SLC10A7: variants seen among roughly 807,000 people sequenced by gnomAD.
The protein encoded by SLC10A7 is sodium/bile acid cotransporter 7.
SLC10A7 carries 29 observed loss-of-function variants against 43.2 expected under a neutral mutation model. That is an observed-to-expected ratio of 0.67 (90% CI 0.50 to 0.92). The LOEUF is 0.92. SLC10A7 is among the 40% of genes least tolerant of loss of function. SLC10A7 has a pLI of 0.00. For missense variants in SLC10A7, 295 were observed against 403.2 expected, an observed-to-expected ratio of 0.73 and a Z score of 2.30; for synonymous variants, 152 against 144.8, an observed-to-expected ratio of 1.05 and a Z score of -0.35.
At chr4:146,392,175 A>T (rs1738479971) in intron 5 of SLC10A7, among the ~76,000 whole-genome samples, 2 of 152,212 alleles carry the variant, frequency 1.3e-5, no homozygotes, top group Non-Finnish European at 2.9e-5. Context: ...ACTCTGTTGT[A>T]TCTCTATAAT....
At chr4:146,374,645 CACACACACACACACACAT>C (rs982152475) in intron 5 of SLC10A7, among the ~76,000 whole-genome samples, 4 of 144,564 alleles carry the variant, frequency 2.8e-5, no homozygotes, top group African/African-American at 5.2e-5. Flanking sequence ...CACACACACA[CACACACACACACACACAT>C]ATATATATAT....
intron 4 of SLC10A7, among the ~76,000 whole-genome samples, chr4:146,461,069 CTTTTCACGTCA>C (rs921192695): frequency 8.6e-5 from 13 of 152,036 alleles, no homozygotes; most frequent in Non-Finnish European, 1.3e-4. Context: ...GTAAAAATGT[CTTTTCACGTCA>C]TTATTTTCAA....
intron 5 of SLC10A7, chr4:146,442,201 G>T: frequency 2.1e-6 from 2 of 963,470 alleles, no homozygotes; most frequent in African/African-American, 1.8e-5. Flanking sequence ...TCCTTATATT[G>T]GTTCTACTTA....
intron 4 of SLC10A7, among the ~76,000 whole-genome samples, chr4:146,463,060 C>G (rs568244761): frequency 6.6e-6 from 1 of 152,296 alleles, no homozygotes; most frequent in East Asian, 1.9e-4. Context: ...ACACACTCAG[C>G]AACTACACCA....
At chr4:146,429,918 T>C (rs558292983) in intron 5 of SLC10A7, among the ~76,000 whole-genome samples, 88 of 152,070 alleles carry the variant, frequency 5.8e-4, no homozygotes, top group African/African-American at 2.0e-3. Context: ...GTGACATACA[T>C]AAAAATTTTA....
intron 4 of SLC10A7, 27 bp downstream of exon 4, chr4:146,503,822 T>A: frequency 1.9e-6 from 3 of 1,604,802 alleles, no homozygotes; most frequent in Non-Finnish European, 2.6e-6. Flanking sequence ...TGCACTTATG[T>A]TTAAATAAGG....
At chr4:146,306,478 G>A (rs1005747941) in intron 6 of SLC10A7, among the ~76,000 whole-genome samples, 26 of 152,054 alleles carry the variant, frequency 1.7e-4, no homozygotes, top group African/African-American at 5.1e-4. Context: ...CTCAGATCCC[G>A]TAGAATTTTT....
intron 6 of SLC10A7, among the ~76,000 whole-genome samples, chr4:146,318,645 A>G (rs1377542624): frequency 6.6e-6 from 1 of 152,026 alleles, no homozygotes; most frequent in Non-Finnish European, 1.5e-5. Context: ...TCTAGTTAAG[A>G]TCTTTTTCCT....
At chr4:146,360,193 A>G (rs1001308496) in intron 5 of SLC10A7, among the ~76,000 whole-genome samples, 1 of 151,754 alleles carries the variant, frequency 6.6e-6, no homozygotes, top group Non-Finnish European at 1.5e-5. Flanking sequence ...TCTCACTGCC[A>G]TTACCTTACT....
chr4:146,510,126 C>T, intron 2 of SLC10A7, 77 bp from the exon 3 acceptor site: 1 of 1,379,220 alleles, frequency 7.3e-7, no homozygotes, highest in South Asian at 1.5e-5. Flanking sequence ...AAAATAACAT[C>T]ACATGAGTTA....
chr4:146,340,003 G>A (rs1344538407), intron 5 of SLC10A7, among the ~76,000 whole-genome samples: 5 of 150,952 alleles, frequency 3.3e-5, no homozygotes, highest in Non-Finnish European at 7.4e-5. Flanking sequence ...AGGTCCCGGT[G>A]TGTGATAACA....
At chr4:146,305,846 T>C (rs2149681709) in intron 7 of SLC10A7, 80 bp downstream of exon 7, 1 of 1,239,640 alleles carries the variant, frequency 8.1e-7, no homozygotes, top group East Asian at 2.5e-5. Context: ...GAATATCCTT[T>C]CTCTCAACTG....
chr4:146,284,421 C>T (rs537766332), intron 9 of SLC10A7, among the ~76,000 whole-genome samples: 1 of 152,094 alleles, frequency 6.6e-6, no homozygotes, highest in South Asian at 2.1e-4. Context: ...TTGTTGTATA[C>T]CCACAGGAGG....
rs183973449 is a variant in SLC10A7 at position 146,403,367 on chromosome 4, T to A, written c.435+39416A>T. On this transcript the variant is annotated intron_variant, in intron 5 of 11. Transcript: ENST00000335472. ...TCCATAACCACCTATAGCACAGTCA[T>A]GGAGTTTCCATTTTTCCCCCAGGAA... Among the ~76,000 whole-genome samples, 237 of 152,300 alleles carry A rather than the reference T, an allele frequency of 1.6e-3. 1 individual carries two copies. The highest frequency in any genetic ancestry group is 5.3e-3 in the African/African-American group (222 of 41,574).
At chr4:146,426,137 C>T (rs1358090512) in intron 5 of SLC10A7, among the ~76,000 whole-genome samples, 1 of 152,126 alleles carries the variant, frequency 6.6e-6, no homozygotes, top group African/African-American at 2.4e-5. Flanking sequence ...TAAACAGAAC[C>T]ATCACAAACT....
rs570936178 is a variant in SLC10A7 at position 146,254,776 on chromosome 4, A to G, written c.*1715T>C. 5 of 152,336 alleles carry G rather than the reference A, an allele frequency of 3.3e-5. 1 individual carries two copies. The South Asian group carries it at 1.0e-3, about 32-fold the overall frequency. 9.4% of individuals were successfully genotyped at this position (152,336 alleles called of 1,614,324 possible). On this transcript the variant is annotated 3_prime_UTR_variant, in exon 12 of 12. Coordinates refer to ENST00000335472, the MANE Select transcript of SLC10A7 (RefSeq NM_001029998.6). ...AAGAAACTTGTAGGAACAAAACCTA[A>G]GAGCCTTCCTGTGCTCCATAGGTAA...
rs779733820 is a variant in SLC10A7, at chr4:146,258,715, A to T, written c.970T>A (p.Ser324Thr). The T allele has an allele frequency of 1.9e-6, 3 of 1,602,632 alleles. No individual in the cohort carries two copies. The highest frequency in any genetic ancestry group is 4.5e-5 in the East Asian group (2 of 44,496). Residue 324 changes from serine to threonine, a missense_variant, in exon 11 of 12, where the codon TCT (serine) becomes ACT (threonine). Coordinates refer to ENST00000335472, the MANE Select transcript of SLC10A7 (RefSeq NM_001029998.6). ...LGSVLVPTIK[S>T]WMVSRQKGVK... ...ACCTTCTGCCTTGATACCATCCAAGACTTGATTGTTGGCACCAACACACTT... is the reference window on the plus strand; with the variant it reads ...ACCTTCTGCCTTGATACCATCCAAGTCTTGATTGTTGGCACCAACACACTT...
intron 5 of SLC10A7, among the ~76,000 whole-genome samples, chr4:146,352,839 G>A (rs964937781): frequency 2.1e-5 from 3 of 144,120 alleles, no homozygotes; most frequent in African/African-American, 8.0e-5. Context: ...TGAAACCAAT[G>A]AGAACAAAGA....
At chr4:146,380,021 G>A (rs1737501825) in intron 5 of SLC10A7, among the ~76,000 whole-genome samples, 1 of 151,824 alleles carries the variant, frequency 6.6e-6, no homozygotes, top group Non-Finnish European at 1.5e-5. Flanking sequence ...GCAAGCAAGA[G>A]AGCTGAGCTT....
Sources: allele counts gnomAD v4.1 joint callset (sites outside exome capture counted in the v4.1 genomes callset), GRCh38; gene constraint gnomAD v4.1.1; transcripts MANE v1.5; gene names NCBI Gene and HGNC (gene_info 2026-07-23, HGNC 2026-07-21).